The following WDFY2 variants were observed in gnomAD, a reference collection of about 807,000 sequenced individuals.
The protein encoded by WDFY2 is WD repeat and FYVE domain-containing protein 2.
Under a neutral mutation model 56.4 loss-of-function variants are expected in WDFY2, and 36 were observed. That is an observed-to-expected ratio of 0.64 (90% CI 0.49 to 0.84). WDFY2 has a LOEUF of 0.84. WDFY2 is among the 40% of genes least tolerant of loss of function. The pLI is 0.00. For synonymous variants in WDFY2, 176 were observed against 183.7 expected (o/e 0.96, Z 0.34); for missense variants, 444 against 512.2 (o/e 0.87, Z 1.29).
At position 51,756,449 on chromosome 13, in the gene WDFY2, A is replaced by G. The variant is rs767546598; in HGVS notation, c.1051A>G (p.Ile351Val). 9.9e-6 allele frequency: 16 copies of G among 1,613,814 alleles called. No individual in the cohort carries two copies. Among genetic ancestry groups the G allele is most frequent in the East Asian group, 2.2e-5 (1 of 44,890 alleles). The change falls in exon 10 of 12, where the codon ATC becomes GTC. Residue 351 changes from isoleucine (I) to valine (V), a missense_variant. Transcript: ENST00000298125. Reference protein sequence around the residue: ...VRVCDSCHEAITDEERAPTAT... With the variant: ...VRVCDSCHEAVTDEERAPTAT... ...GGTCTGTGACAGCTGCCACGAGGCC[A>G]TCACAGATGAAGAGTAAGTTCCTGC...
Position 51,584,512 on chromosome 13 carries a change from C to T in WDFY2, c.-176C>T. 5 of 843,320 alleles carry T rather than the reference C, an allele frequency of 5.9e-6. No homozygotes were observed. The highest frequency in any genetic ancestry group is 4.1e-5 in the South Asian group (2 of 49,362). 52.2% of individuals were successfully genotyped at this position (843,320 alleles called of 1,614,324 possible). ...GTCGTGGCGGTTTTGGTGCCTGAAG[C>T]AGGGAGCGCGGAGTCGTTCCCGAGA... is the stretch of plus-strand genomic sequence containing the variant. On this transcript the variant is annotated 5_prime_UTR_variant, in exon 1 of 12. Coordinates refer to ENST00000298125, the MANE Select transcript of WDFY2 (RefSeq NM_052950.4).
At chr13:51,653,403 G>T (rs572740445) in intron 1 of WDFY2, among the ~76,000 whole-genome samples, 1 of 152,140 alleles carries the variant, frequency 6.6e-6, no homozygotes, top group Non-Finnish European at 1.5e-5. Context: ...CTCTCAACTC[G>T]TCAAAGTCAT....
Position 51,751,293 on chromosome 13 carries a change from C to G in WDFY2, c.726-17C>G, listed in dbSNP as rs370903316. On this transcript the variant is annotated splice_polypyrimidine_tract_variant and intron_variant, in intron 7 of 11. Coordinates refer to ENST00000298125, the MANE Select transcript of WDFY2 (RefSeq NM_052950.4). ...TTGTTCTCCTAAACTGTCAATAACC[C>G]TTGGTTTCTTTCACAGCGACAGAGT... is the stretch of plus-strand genomic sequence containing the variant. 4.3e-6 allele frequency: 7 copies of G among 1,609,762 alleles called. No individual in the cohort carries two copies. Among genetic ancestry groups the G allele is most frequent in the Middle Eastern group, 1.6e-4 (1 of 6,064 alleles).
intron 3 of WDFY2, among the ~76,000 whole-genome samples, chr13:51,682,223 A>T (rs1214609414): frequency 6.6e-6 from 1 of 152,216 alleles, no homozygotes; most frequent in Non-Finnish European, 1.5e-5. Flanking sequence ...TCAACACAGC[A>T]CATGTACACT....
intron 3 of WDFY2, among the ~76,000 whole-genome samples, chr13:51,691,403 C>T (rs535529645): frequency 1.0e-3 from 157 of 149,966 alleles, no homozygotes; most frequent in Non-Finnish European, 2.0e-3. Context: ...CCAGTTTCAG[C>T]TTTCTACATA....
chr13:51,658,020 T>G (rs1955542322), intron 1 of WDFY2, among the ~76,000 whole-genome samples: 1 of 152,230 alleles, frequency 6.6e-6, no homozygotes, highest in Non-Finnish European at 1.5e-5. Flanking sequence ...TTTGTTTTTC[T>G]TTTCCTTTTT....
chr13:51,700,691 C>T (rs897113533), intron 3 of WDFY2, among the ~76,000 whole-genome samples: 3 of 152,188 alleles, frequency 2.0e-5, no homozygotes, highest in South Asian at 2.1e-4. Context: ...TATGGTCAGG[C>T]GTGGTGGCTC....
chr13:51,716,942 TATTA>T (rs970740704), intron 4 of WDFY2, among the ~76,000 whole-genome samples: 43 of 152,292 alleles, frequency 2.8e-4, no homozygotes, highest in Admixed American at 1.7e-3. Flanking sequence ...CATGTTATTA[TATTA>T]ATTAATGTGG....
At chr13:51,685,118 C>T (rs1342073952) in intron 3 of WDFY2, among the ~76,000 whole-genome samples, 1 of 152,164 alleles carries the variant, frequency 6.6e-6, no homozygotes, top group Non-Finnish European at 1.5e-5. Flanking sequence ...CCTCCTGCCG[C>T]CTCTATGGAA....
intron 3 of WDFY2, among the ~76,000 whole-genome samples, chr13:51,679,320 A>G (rs1455581421): frequency 2.6e-5 from 4 of 152,230 alleles, no homozygotes; most frequent in Non-Finnish European, 4.4e-5. Flanking sequence ...ATATATCTTT[A>G]TAAATACTTA....
chr13:51,597,135 T>G (rs1236088537), intron 1 of WDFY2, among the ~76,000 whole-genome samples: 1 of 152,204 alleles, frequency 6.6e-6, no homozygotes, highest in Non-Finnish European at 1.5e-5. Context: ...TAATAATTTC[T>G]CATTATTGAA....
chr13:51,603,845 C>T (rs1173380416), intron 1 of WDFY2, among the ~76,000 whole-genome samples: 2 of 152,174 alleles, frequency 1.3e-5, no homozygotes, highest in Non-Finnish European at 2.9e-5. Context: ...GTTGCTGACT[C>T]ATATGGCCTT....
At chr13:51,697,669 CTAAT>C (rs1483237684) in intron 3 of WDFY2, among the ~76,000 whole-genome samples, 1 of 151,570 alleles carries the variant, frequency 6.6e-6, no homozygotes, top group Non-Finnish European at 1.5e-5. Flanking sequence ...CAGTTAAAGA[CTAAT>C]TAGGTAAAAT....
At chr13:51,670,489 G>GCACACACACACACA (rs55984632) in intron 2 of WDFY2, among the ~76,000 whole-genome samples, 26 of 131,498 alleles carry the variant, frequency 2.0e-4, no homozygotes, top group Admixed American at 6.2e-4. Context: ...GTGCGCACAT[G>GCACACACACACACA]CACACACACA....
intron 1 of WDFY2, among the ~76,000 whole-genome samples, chr13:51,601,590 T>C (rs1318418531): frequency 6.6e-6 from 1 of 152,172 alleles, no homozygotes; most frequent in Non-Finnish European, 1.5e-5. Flanking sequence ...AATTTTTGTA[T>C]TTTTAGTACA....
intron 1 of WDFY2, among the ~76,000 whole-genome samples, chr13:51,630,153 T>G (rs1183481910): frequency 5.9e-5 from 9 of 152,166 alleles, no homozygotes; most frequent in Non-Finnish European, 1.0e-4. Context: ...CTTCTAGTCA[T>G]TTTGTTTTAA....
chr13:51,676,642 A>G (rs1231835789), intron 3 of WDFY2, among the ~76,000 whole-genome samples: 1 of 152,194 alleles, frequency 6.6e-6, no homozygotes, highest in African/African-American at 2.4e-5. Context: ...ACTATTAACA[A>G]TATTGTTAAA....
chr13:51,624,196 C>G (rs988041742), intron 1 of WDFY2, among the ~76,000 whole-genome samples: 1 of 152,224 alleles, frequency 6.6e-6, no homozygotes, highest in African/African-American at 2.4e-5. Context: ...TCTGAACTTG[C>G]TGAAAGCGGG....
intron 1 of WDFY2, among the ~76,000 whole-genome samples, chr13:51,617,921 G>T (rs1269695622): frequency 6.6e-6 from 1 of 152,164 alleles, no homozygotes; most frequent in Non-Finnish European, 1.5e-5. Context: ...ATTTACAAAA[G>T]ATAAAGCTGC....
Sources: allele counts gnomAD v4.1 joint callset (sites outside exome capture counted in the v4.1 genomes callset), GRCh38; gene constraint gnomAD v4.1.1; transcripts MANE v1.5; gene names NCBI Gene and HGNC (gene_info 2026-07-23, HGNC 2026-07-21).